The following PLCXD2 variants were observed in gnomAD, a reference collection of about 807,000 sequenced individuals.
PLCXD2 encodes PI-PLC X domain-containing protein 2.
In PLCXD2, 21 loss-of-function variants were observed where a neutral mutation model predicts 28.6. The ratio of observed to expected loss-of-function variants is 0.73; its 90% CI spans 0.52 to 1.06. PLCXD2 has a LOEUF of 1.06. Ranked by LOEUF, PLCXD2 falls within the 50% of genes least tolerant of loss-of-function variation. PLCXD2 has a pLI of 0.00. For synonymous variants in PLCXD2, 140 were observed against 150.1 expected (o/e 0.93, Z 0.49); for missense variants, 369 against 376.7 (o/e 0.98, Z 0.17).
At chr3:111,698,392 A>T (rs1199637671) in intron 1 of PLCXD2, among the ~76,000 whole-genome samples, 1 of 152,220 alleles carries the variant, frequency 6.6e-6, no homozygotes, top group Non-Finnish European at 1.5e-5. Context: ...GCCCCTATCC[A>T]CTGCGGGGAC....
At chr3:111,686,087 G>T (rs1465073847) in intron 1 of PLCXD2, among the ~76,000 whole-genome samples, 1 of 152,228 alleles carries the variant, frequency 6.6e-6, no homozygotes, top group Non-Finnish European at 1.5e-5. Context: ...GGTGGAGACT[G>T]TTGGGGAGAA....
chr3:111,703,809 A>C (rs954284750), intron 1 of PLCXD2, among the ~76,000 whole-genome samples: 1 of 152,210 alleles, frequency 6.6e-6, no homozygotes, highest in African/African-American at 2.4e-5. Context: ...TGGAAAATCC[A>C]GGGGGACTTG....
intron 1 of PLCXD2, chr3:111,676,705 T>C (rs1940627932): frequency 6.6e-6 from 1 of 152,234 alleles, no homozygotes; most frequent in South Asian, 2.1e-4. Flanking sequence ...TGTGGAGTTG[T>C]CACTGAAATG....
At chr3:111,724,663 G>T (rs1044055537) in intron 3 of PLCXD2, 1 of 152,154 alleles carries the variant, frequency 6.6e-6, no homozygotes, top group Admixed American at 6.5e-5. Flanking sequence ...ACTTCTTCCT[G>T]GGAAGTAAAA....
At chr3:111,707,423 C>T (rs1347381847) in intron 1 of PLCXD2, among the ~76,000 whole-genome samples, 1 of 152,164 alleles carries the variant, frequency 6.6e-6, no homozygotes, top group African/African-American at 2.4e-5. Flanking sequence ...TTTTCATACC[C>T]TCTGTTTCAA....
chr3:111,686,999 T>G (rs1000345299), intron 1 of PLCXD2, among the ~76,000 whole-genome samples: 11 of 152,158 alleles, frequency 7.2e-5, no homozygotes, highest in Non-Finnish European at 2.9e-5. Context: ...TGTTTAATGT[T>G]GGATGGACCT....
At chr3:111,702,293 T>C (rs987101883) in intron 1 of PLCXD2, among the ~76,000 whole-genome samples, 1 of 151,848 alleles carries the variant, frequency 6.6e-6, no homozygotes, top group African/African-American at 2.4e-5. Flanking sequence ...CAAACCCACA[T>C]AGAAACCAAG....
chr3:111,691,038 C>A (rs1036466796), intron 1 of PLCXD2, among the ~76,000 whole-genome samples: 2 of 152,126 alleles, frequency 1.3e-5, no homozygotes, highest in African/African-American at 4.8e-5. Flanking sequence ...TAAGACCCAA[C>A]AGGAATATGG....
At chr3:111,696,573 C>T (rs947344590) in intron 1 of PLCXD2, among the ~76,000 whole-genome samples, 1 of 152,142 alleles carries the variant, frequency 6.6e-6, no homozygotes, top group Non-Finnish European at 1.5e-5. Flanking sequence ...CTGCATTACT[C>T]TGACCTCACT....
At chr3:111,691,375 A>C (rs1231760178) in intron 1 of PLCXD2, 1 of 152,226 alleles carries the variant, frequency 6.6e-6, no homozygotes, top group Non-Finnish European at 1.5e-5. Flanking sequence ...AAGAAACAGA[A>C]TTCCAAGTAC....
intron 2 of PLCXD2, among the ~76,000 whole-genome samples, chr3:111,709,424 T>C (rs1941168851): frequency 1.3e-5 from 2 of 151,692 alleles, no homozygotes; most frequent in South Asian, 2.1e-4. Flanking sequence ...GTGTCACATA[T>C]ATACATATAT....
chr3:111,726,158 A>G (rs1053042974), intron 3 of PLCXD2: 1 of 320,794 alleles, frequency 3.1e-6, no homozygotes, highest in Non-Finnish European at 5.6e-6. Flanking sequence ...GAAAAGTCAA[A>G]TAGGCCTTTG....
chr3:111,712,681 G>C (rs1941216339), intron 2 of PLCXD2, among the ~76,000 whole-genome samples: 1 of 152,172 alleles, frequency 6.6e-6, no homozygotes, highest in African/African-American at 2.4e-5. Context: ...CGGAAATGAG[G>C]CTGACATCCA....
At chr3:111,688,427 G>A (rs1464161925) in intron 1 of PLCXD2, among the ~76,000 whole-genome samples, 1 of 152,180 alleles carries the variant, frequency 6.6e-6, no homozygotes, top group Non-Finnish European at 1.5e-5. Flanking sequence ...CTCTTCTCAT[G>A]GACAGTGTTT....
intron 1 of PLCXD2, among the ~76,000 whole-genome samples, chr3:111,680,970 G>C (rs1221295706): frequency 6.6e-6 from 1 of 151,930 alleles, no homozygotes; most frequent in African/African-American, 2.4e-5. Flanking sequence ...AAATCAATCA[G>C]AACATTCATT....
chr3:111,677,644 G>T (rs1477142028), intron 1 of PLCXD2, among the ~76,000 whole-genome samples: 1 of 152,192 alleles, frequency 6.6e-6, no homozygotes, highest in African/African-American at 2.4e-5. Context: ...CACACAAATA[G>T]TAAGTGGTAG....
At chr3:111,707,365 T>A (rs558060452) in intron 1 of PLCXD2, among the ~76,000 whole-genome samples, 1 of 152,296 alleles carries the variant, frequency 6.6e-6, no homozygotes, top group East Asian at 1.9e-4. Flanking sequence ...ATCCTGCCTT[T>A]CCTAGAATTT....
At chr3:111,685,242 A>G (rs576690976) in intron 1 of PLCXD2, among the ~76,000 whole-genome samples, 4 of 152,302 alleles carry the variant, frequency 2.6e-5, no homozygotes, top group African/African-American at 4.8e-5. Context: ...TCATTTTTAG[A>G]TTATATATTT....
chr3:111,696,296 G>C (rs1940961628), intron 1 of PLCXD2, among the ~76,000 whole-genome samples: 1 of 152,184 alleles, frequency 6.6e-6, no homozygotes, highest in Non-Finnish European at 1.5e-5. Context: ...AGCATCATAT[G>C]AATTACTTAG....
Sources: allele counts gnomAD v4.1 joint callset (sites outside exome capture counted in the v4.1 genomes callset), GRCh38; gene constraint gnomAD v4.1.1; transcripts MANE v1.5; gene names NCBI Gene and HGNC (gene_info 2026-07-23, HGNC 2026-07-21).